PHACTR1: variants seen among roughly 807,000 people sequenced by gnomAD.
The protein encoded by PHACTR1 is RPEL repeat containing 1.
Under a neutral mutation model 69.2 loss-of-function variants are expected in PHACTR1, and 16 were observed. The ratio of observed to expected loss-of-function variants is 0.23; its 90% confidence interval spans 0.16 to 0.35. The LOEUF is 0.35. Ranked by LOEUF, PHACTR1 falls within the 10% of genes least tolerant of loss-of-function variation. PHACTR1 has a pLI of 1.00. For missense variants in PHACTR1, 510 were observed against 734.7 expected (o/e 0.69, Z 3.54); for synonymous variants, 312 against 284.5 (o/e 1.10, Z -0.97).
At chr6:13,181,812 C>T (rs1215838292) in intron 6 of PHACTR1, among the ~76,000 whole-genome samples, 2 of 152,168 alleles carry the variant, frequency 1.3e-5, no homozygotes, top group South Asian at 2.1e-4. Context: ...TGACATGAAG[C>T]CCTTTGCTCC....
At chr6:12,774,597 T>C (rs2127632605) in intron 4 of PHACTR1, among the ~76,000 whole-genome samples, 1 of 152,280 alleles carries the variant, frequency 6.6e-6, no homozygotes, top group East Asian at 1.9e-4. Context: ...TTTCACCATG[T>C]TGGCCAGGCT....
chr6:12,794,685 G>A (rs758422842), intron 4 of PHACTR1, among the ~76,000 whole-genome samples: 18 of 152,194 alleles, frequency 1.2e-4, no homozygotes, highest in Non-Finnish European at 2.1e-4. Context: ...AATTCGATGT[G>A]CGTCTTCCAC....
chr6:13,180,473 A>G (rs1170089964), intron 6 of PHACTR1, among the ~76,000 whole-genome samples: 3 of 152,162 alleles, frequency 2.0e-5, no homozygotes, highest in African/African-American at 7.2e-5. Context: ...GAGTCATCCA[A>G]CCGCAGTTAC....
At chr6:13,151,037 T>C (rs1428137434) in intron 5 of PHACTR1, among the ~76,000 whole-genome samples, 1 of 152,246 alleles carries the variant, frequency 6.6e-6, no homozygotes, top group Non-Finnish European at 1.5e-5. Context: ...GGAGGCTCAT[T>C]GCATTTGTCA....
intron 10 of PHACTR1, among the ~76,000 whole-genome samples, chr6:13,255,591 G>A (rs1045244148): frequency 1.1e-4 from 16 of 152,224 alleles, no homozygotes; most frequent in African/African-American, 3.9e-4. Flanking sequence ...TGGGGGTATA[G>A]GCATTGGGTA....
chr6:12,946,805 A>ATTTTTTTTTT (rs11412388), intron 4 of PHACTR1, among the ~76,000 whole-genome samples: 3 of 85,220 alleles, frequency 3.5e-5, no homozygotes, highest in East Asian at 3.0e-4. Flanking sequence ...ATGGTGCTGG[A>ATTTTTTTTTT]TTTTTTTTTT....
At chr6:12,930,324 T>C (rs1248846197) in intron 4 of PHACTR1, among the ~76,000 whole-genome samples, 1 of 152,076 alleles carries the variant, frequency 6.6e-6, no homozygotes, top group African/African-American at 2.4e-5. Context: ...AGATTAGAGG[T>C]GTGAGCCACT....
chr6:12,981,885 G>A (rs1379522556), intron 4 of PHACTR1, among the ~76,000 whole-genome samples: 1 of 152,148 alleles, frequency 6.6e-6, no homozygotes, highest in East Asian at 1.9e-4. Context: ...AGGTCCAAAT[G>A]AGTTGGCAGT....
chr6:13,099,327 T>C (rs1283456003), intron 5 of PHACTR1, among the ~76,000 whole-genome samples: 1 of 152,238 alleles, frequency 6.6e-6, no homozygotes, highest in East Asian at 1.9e-4. Context: ...AGAATGCAAG[T>C]TGTAGGCTGT....
chr6:13,061,824 T>A (rs1807721254), intron 5 of PHACTR1, among the ~76,000 whole-genome samples: 2 of 152,218 alleles, frequency 1.3e-5, no homozygotes, highest in Admixed American at 1.3e-4. Flanking sequence ...CTTTTCCAAA[T>A]TGAGATGTTT....
At chr6:12,795,664 G>T (rs1356107580) in intron 4 of PHACTR1, among the ~76,000 whole-genome samples, 1 of 151,948 alleles carries the variant, frequency 6.6e-6, no homozygotes, top group Admixed American at 6.6e-5. Context: ...ATTTTTCATT[G>T]TGCCCATACA....
At chr6:13,229,835 G>T (rs954347222) in intron 9 of PHACTR1, among the ~76,000 whole-genome samples, 1 of 152,232 alleles carries the variant, frequency 6.6e-6, no homozygotes, top group Non-Finnish European at 1.5e-5. Context: ...GGTTCCCCAT[G>T]TGCTGTCCAT....
At chr6:13,200,617 G>A (rs569681072) in intron 7 of PHACTR1, among the ~76,000 whole-genome samples, 57 of 152,260 alleles carry the variant, frequency 3.7e-4, no homozygotes, top group African/African-American at 1.2e-3. Context: ...AAGAGGCCAA[G>A]AGTTATTTTT....
chr6:12,841,787 C>T (rs952761340), intron 4 of PHACTR1, among the ~76,000 whole-genome samples: 10 of 152,168 alleles, frequency 6.6e-5, no homozygotes, highest in African/African-American at 2.4e-4. Context: ...TACCAAAAAT[C>T]ATTCTGATAA....
intron 7 of PHACTR1, among the ~76,000 whole-genome samples, chr6:13,189,645 C>T (rs1763250117): frequency 6.6e-6 from 1 of 152,122 alleles, no homozygotes; most frequent in Non-Finnish European, 1.5e-5. Context: ...AGTGATCCAC[C>T]CATCTCTGCC....
chr6:12,864,882 G>A (rs1781303182), intron 4 of PHACTR1, among the ~76,000 whole-genome samples: 1 of 152,174 alleles, frequency 6.6e-6, no homozygotes, highest in Non-Finnish European at 1.5e-5. Context: ...GACTTATACA[G>A]CCCGGCATTT....
chr6:13,090,019 G>A (rs1198428332), intron 5 of PHACTR1, among the ~76,000 whole-genome samples: 1 of 152,156 alleles, frequency 6.6e-6, no homozygotes, highest in Non-Finnish European at 1.5e-5. Flanking sequence ...TATAATAGAA[G>A]GGAACAACAG....
rs78136556 is a variant in PHACTR1, at chr6:13,137,208, G to C, written c.416-22996G>C. Among the ~76,000 whole-genome samples, 278 of 152,330 alleles carry C rather than the reference G, an allele frequency of 1.8e-3. 8 individuals are homozygous for C. In the East Asian group the frequency reaches 0.037, roughly 21 times the overall value. On this transcript the variant is annotated intron_variant, in intron 5 of 14. Coordinates refer to ENST00000332995, the MANE Select transcript of PHACTR1 (RefSeq NM_030948.6). ...ACTAAGGCAGCTTGAGTTAATCAAT[G>C]AACAGTCTTTTCTTCCCAGAATATG...
At chr6:13,223,801 C>G (rs187416109) in intron 8 of PHACTR1, among the ~76,000 whole-genome samples, 14 of 152,314 alleles carry the variant, frequency 9.2e-5, no homozygotes, top group African/African-American at 3.4e-4. Flanking sequence ...AAATGCAACA[C>G]TGTGTGTGAA....
Sources: gnomAD v4.1 joint callset for allele counts (sites outside exome capture counted in the v4.1 genomes callset) on GRCh38, gnomAD v4.1.1 for gene constraint, MANE v1.5 for transcripts, NCBI Gene and HGNC (gene_info 2026-07-23, HGNC 2026-07-21) for gene names.